The following SVIL variants were observed in gnomAD, a reference collection of about 807,000 sequenced individuals.
SVIL encodes the protein supervillin.
SVIL carries 101 observed loss-of-function variants against 240.4 expected under a neutral mutation model. That is an observed-to-expected ratio of 0.42 (90% CI 0.36 to 0.50). The LOEUF is 0.50. Ranked by LOEUF, SVIL falls within the 20% of genes least tolerant of loss-of-function variation. The pLI is 0.01. For missense variants in SVIL, 2,512 were observed against 2,818.7 expected, an observed-to-expected ratio of 0.89 and a Z score of 2.46; for synonymous variants, 999 against 1,100.0, an observed-to-expected ratio of 0.91 and a Z score of 1.82.
chr10:29,489,200 G>A (rs1014186908), intron 22 of SVIL, among the ~76,000 whole-genome samples: 8 of 152,182 alleles, frequency 5.3e-5, no homozygotes, highest in African/African-American at 1.9e-4. Context: ...CACTCTGTAA[G>A]GGATGATTAG....
rs573351950 is a variant in SVIL, at chr10:29,597,351, C to CA, written c.-200-28040_-200-28039insT. Among the ~76,000 whole-genome samples, 318 of 151,630 alleles carry CA rather than the reference C, an allele frequency of 2.1e-3. 3 individuals carry two copies. The highest frequency in any genetic ancestry group is 0.014 in the Middle Eastern group (4 of 294). On this transcript the variant is annotated intron_variant, in intron 1 of 37. Transcript: ENST00000355867. ...TCCCAGGATCAAGGGTAAATGCCTC[C>CA]TTTTTTTTTCTCTTGGGCCTTCAGG...
chr10:29,723,730 G>A (rs1046478179), intron 1 of SVIL, among the ~76,000 whole-genome samples: 1 of 152,036 alleles, frequency 6.6e-6, no homozygotes, highest in Non-Finnish European at 1.5e-5. Context: ...ACAATTAATG[G>A]AGGCAACTTT....
intron 1 of SVIL, among the ~76,000 whole-genome samples, chr10:29,580,742 T>C (rs1955908465): frequency 6.6e-6 from 1 of 152,148 alleles, no homozygotes; most frequent in South Asian, 2.1e-4. Context: ...ACACGGCTCA[T>C]TGCAGCCTCA....
At position 29,554,906 on chromosome 10, in the gene SVIL, C is replaced by T; in HGVS notation, c.37G>A (p.Gly13Arg). The change falls in exon 5 of 38, where the codon GGG becomes AGG. Residue 13 changes from glycine to arginine, a missense_variant. Gly to Arg is a moderately radical substitution (Grantham distance 125). Coordinates refer to ENST00000355867, the MANE Select transcript of SVIL (RefSeq NM_021738.3). ...RKERIARRLE[G>R]IENDTQPILL... ...ATGGGCTGAGTGTCATTTTCAATCC[C>T]TTCCAGGCGCCTGGCAATTCTTTCT... The T allele has an allele frequency of 1.2e-6, 2 of 1,612,534 alleles. No individual in the cohort carries two copies. Among genetic ancestry groups the T allele is most frequent in the South Asian group, 1.1e-5 (1 of 90,804 alleles).
Position 29,715,800 on chromosome 10 carries a change from A to G in SVIL, c.-400+19951T>C, listed in dbSNP as rs539882095. ...AGTTGCTGGGCAAGAAAAGTGAGCA[A>G]CCATCTAGTTATTGATACAAGGTTC... On this transcript the variant is annotated intron_variant, in intron 1 of 35. Coordinates refer to the SVIL transcript ENST00000375400. Among the ~76,000 whole-genome samples, 7 of 152,318 alleles carry G rather than the reference A, an allele frequency of 4.6e-5. No homozygotes were observed. The East Asian group carries it at 1.3e-3, about 29-fold the overall frequency.
chr10:29,560,688 T>G (rs985169582), intron 3 of SVIL, among the ~76,000 whole-genome samples: 10 of 152,092 alleles, frequency 6.6e-5, no homozygotes, highest in Admixed American at 5.2e-4. Flanking sequence ...TGCTAAGAGC[T>G]GACACACAAA....
intron 16 of SVIL, among the ~76,000 whole-genome samples, chr10:29,516,436 G>C (rs1950204528): frequency 6.6e-6 from 1 of 152,126 alleles, no homozygotes; most frequent in Admixed American, 6.5e-5. Context: ...TTCCTCATTG[G>C]TGTCCACCAC....
rs187703846 is a variant in SVIL at position 29,714,965 on chromosome 10, A to G, written c.-400+20786T>C. On this transcript the variant is annotated intron_variant, in intron 1 of 35. Transcript: ENST00000375400. ...TCTGAAATTAAAAAAAAAAAAAAAAAAAGAAGAAAAAGAAAAGAAAAAAGA... is the reference window on the plus strand; with the variant it reads ...TCTGAAATTAAAAAAAAAAAAAAAAGAAGAAGAAAAAGAAAAGAAAAAAGA... 9.4e-3 allele frequency among the ~76,000 whole-genome samples: 1,423 copies of G among 150,682 alleles called. 17 individuals are homozygous for G. Among genetic ancestry groups the G allele is most frequent in the East Asian group, 0.047 (239 of 5,138 alleles).
chr10:29,610,134 T>C (rs1471167271), intron 1 of SVIL, among the ~76,000 whole-genome samples: 1 of 152,132 alleles, frequency 6.6e-6, no homozygotes, highest in Non-Finnish European at 1.5e-5. Context: ...GGGTAGTTTG[T>C]CCCAATTTTA....
Position 29,550,596 on chromosome 10 carries a change from C to G in SVIL, c.827+1G>C. 6.2e-7 allele frequency: 1 copy of G among 1,603,002 alleles called. No individual in the cohort carries two copies. Among genetic ancestry groups the G allele is most frequent in the Non-Finnish European group, 8.5e-7 (1 of 1,174,856 alleles). On this transcript the variant is annotated splice_donor_variant, in intron 6 of 37. Coordinates refer to ENST00000355867, the MANE Select transcript of SVIL (RefSeq NM_021738.3). LOFTEE classifies it high-confidence loss of function. Reference sequence around the variant, plus strand: ...GTGCTTAGCGTGGACTGGATGCTTACCTGGGTCGGGCCTCAGGGGATAGCT... The same window carrying G: ...GTGCTTAGCGTGGACTGGATGCTTAGCTGGGTCGGGCCTCAGGGGATAGCT...
At chr10:29,486,789 A>T (rs1947442640) in intron 24 of SVIL, among the ~76,000 whole-genome samples, 1 of 152,234 alleles carries the variant, frequency 6.6e-6, no homozygotes, top group Admixed American at 6.5e-5. Flanking sequence ...AATAGGTCAC[A>T]TGTGATGCTT....
In SVIL at chr10:29,480,568, C is replaced by T. The variant is rs1447499276; in HGVS notation, c.5346G>A (p.Val1782=). 2 of 1,613,520 alleles carry T rather than the reference C, an allele frequency of 1.2e-6. No homozygotes were observed. Among genetic ancestry groups the T allele is most frequent in the African/African-American group, 1.3e-5 (1 of 74,908 alleles). ...IGQFHEGDAY[V]VKWKFMVSTA... ...TGCTCACCATGAACTTCCACTTGAC[C>T]ACATAGGCATCCCCCTCATGGAACT... Residue 1782 remains valine (V), a synonymous_variant, in exon 29 of 38, where the codon GTG becomes GTA. Transcript: ENST00000355867.
At chr10:29,471,383 G>A in intron 30 of SVIL, 140 bp from the exon 31 acceptor site, 1 of 648,430 alleles carries the variant, frequency 1.5e-6, no homozygotes. Flanking sequence ...CACCTAAAGA[G>A]AAGCTCTGCG....
intron 3 of SVIL, among the ~76,000 whole-genome samples, chr10:29,643,377 T>C (rs1958550365): frequency 6.6e-6 from 1 of 152,200 alleles, no homozygotes; most frequent in Non-Finnish European, 1.5e-5. Context: ...CCAGGACCTG[T>C]ATTTTGCCCT....
chr10:29,479,532 G>A (rs577121491), intron 29 of SVIL, among the ~76,000 whole-genome samples: 4 of 152,324 alleles, frequency 2.6e-5, no homozygotes, highest in African/African-American at 9.6e-5. Flanking sequence ...GCTCAGCGAG[G>A]CCCACCTGCT....
intron 15 of SVIL, among the ~76,000 whole-genome samples, chr10:29,523,148 G>A (rs886074954): frequency 6.6e-6 from 1 of 152,074 alleles, no homozygotes; most frequent in Non-Finnish European, 1.5e-5. Context: ...GACCTTTGGG[G>A]TCATCAATTT....
intron 2 of SVIL, among the ~76,000 whole-genome samples, chr10:29,664,864 A>G (rs545775659): frequency 1.6e-4 from 25 of 152,308 alleles, no homozygotes; most frequent in African/African-American, 5.8e-4. Context: ...TCAAACCTGA[A>G]GAAGTTTGCA....
At chr10:29,587,562 A>G (rs1956220880) in intron 1 of SVIL, among the ~76,000 whole-genome samples, 1 of 152,236 alleles carries the variant, frequency 6.6e-6, no homozygotes, top group Admixed American at 6.5e-5. Flanking sequence ...GCAGTTGGCC[A>G]GACTCCAGCC....
chr10:29,610,171 T>G (rs1300078453), intron 1 of SVIL, among the ~76,000 whole-genome samples: 1 of 152,104 alleles, frequency 6.6e-6, no homozygotes, highest in African/African-American at 2.4e-5. Flanking sequence ...GATCTCTATC[T>G]CCAATCAGTT....
Sources: gnomAD v4.1 joint callset for allele counts (sites outside exome capture counted in the v4.1 genomes callset) on GRCh38, gnomAD v4.1.1 for gene constraint, MANE v1.5 for transcripts, NCBI Gene and HGNC (gene_info 2026-07-23, HGNC 2026-07-21) for gene names.